Variants in RUNX1 observed in about 807,000 individuals in gnomAD.
RUNX1 encodes the protein runt-related transcription factor 1.
RUNX1 carries 19 observed loss-of-function variants against 42.8 expected under a neutral mutation model. The ratio of observed to expected loss-of-function variants is 0.44; its 90% CI spans 0.31 to 0.65. The LOEUF (loss-of-function observed/expected upper bound fraction) is 0.65. Ranked by LOEUF, RUNX1 falls within the 30% of genes least tolerant of loss-of-function variation. The pLI is 0.07. For missense variants in RUNX1, 528 were observed against 672.0 expected, an observed-to-expected ratio of 0.79 and a Z score of 2.37; for synonymous variants, 271 against 289.4, an observed-to-expected ratio of 0.94 and a Z score of 0.64.
chr21:34,842,715 A>G (rs2057257735), intron 6 of RUNX1, among the ~76,000 whole-genome samples: 1 of 152,082 alleles, frequency 6.6e-6, no homozygotes, highest in Non-Finnish European at 1.5e-5. Flanking sequence ...ATGCACACAC[A>G]TACACACATA....
intron 6 of RUNX1, among the ~76,000 whole-genome samples, chr21:34,850,717 C>T (rs1209160546): frequency 6.6e-6 from 1 of 151,916 alleles, no homozygotes; most frequent in East Asian, 1.9e-4. Flanking sequence ...CCATGCTATA[C>T]TAGAAAAGAA....
Position 34,901,250 on chromosome 21 carries a change from G to A in RUNX1, c.59-8287C>T, listed in dbSNP as rs1013135484. Among the ~76,000 whole-genome samples the A allele has an allele frequency of 6.6e-5, 10 of 152,028 alleles. No homozygotes were observed. The South Asian group carries it at 1.2e-3, about 19-fold the overall frequency. On this transcript the variant is annotated intron_variant, in intron 2 of 8. Coordinates refer to ENST00000675419, the MANE Select transcript of RUNX1 (RefSeq NM_001754.5). This position sits in a 1 kb window ranked among gnomAD's most constrained non-coding sequence, Gnocchi z 4.3. ...TTTCTGGCTGGTCACGGTGGGTCAC[G>A]CCTGTAATCCCAGCACTTTGGGAGG...
At chr21:35,049,072 A>C (rs1045479924) in intron 1 of RUNX1, 96 bp downstream of exon 1, 2 of 647,748 alleles carry the variant, frequency 3.1e-6, no homozygotes, top group Non-Finnish European at 2.8e-6. Context: ...GCCCTATTAA[A>C]AAATGCACCT....
chr21:34,836,838 A>G (rs2057154089), intron 6 of RUNX1, among the ~76,000 whole-genome samples: 1 of 152,188 alleles, frequency 6.6e-6, no homozygotes, highest in Non-Finnish European at 1.5e-5. Context: ...GACGTGGTAG[A>G]GTCTACAGCC....
chr21:34,860,471 G>A (rs746374502), intron 5 of RUNX1, among the ~76,000 whole-genome samples: 5 of 152,158 alleles, frequency 3.3e-5, no homozygotes, highest in South Asian at 4.2e-4. Flanking sequence ...ATGATTTACC[G>A]TGAGTAACCC....
intron 5 of RUNX1, among the ~76,000 whole-genome samples, chr21:34,875,333 T>C (rs2057798918): frequency 6.6e-6 from 1 of 152,196 alleles, no homozygotes; most frequent in Admixed American, 6.5e-5. Context: ...CATCAGATCA[T>C]GGAGGCAAGC....
At chr21:35,030,324 CAGAG>C (rs1355441563) in intron 2 of RUNX1, among the ~76,000 whole-genome samples, 2 of 151,372 alleles carry the variant, frequency 1.3e-5, no homozygotes, top group Non-Finnish European at 2.9e-5. Flanking sequence ...GCCTGAGTGA[CAGAG>C]TGAGACTCTG....
At chr21:34,796,248 G>A (rs1490146265) in intron 8 of RUNX1, among the ~76,000 whole-genome samples, 7 of 152,194 alleles carry the variant, frequency 4.6e-5, no homozygotes, top group Non-Finnish European at 1.0e-4. Flanking sequence ...CATGAGCAAC[G>A]TCATACTACA....
At chr21:34,799,098 C>T (rs1302280280) in intron 8 of RUNX1, among the ~76,000 whole-genome samples, 1 of 152,218 alleles carries the variant, frequency 6.6e-6, no homozygotes, top group African/African-American at 2.4e-5. Context: ...CTTCTCCAAG[C>T]CACTTCTGCC....
intron 7 of RUNX1, among the ~76,000 whole-genome samples, chr21:34,806,069 T>TG (rs200350438): frequency 1.9e-4 from 29 of 151,846 alleles, no homozygotes; most frequent in African/African-American, 6.1e-4. Flanking sequence ...AAAAGAGGTG[T>TG]GGGGGGAAGA....
intron 2 of RUNX1, among the ~76,000 whole-genome samples, chr21:34,914,915 CAT>C (rs1681029764): frequency 6.6e-6 from 1 of 152,198 alleles, no homozygotes; most frequent in Admixed American, 6.5e-5. Flanking sequence ...AAAGCCAGGA[CAT>C]GTGATGATGG....
intron 2 of RUNX1, among the ~76,000 whole-genome samples, chr21:34,939,841 C>T (rs1393915851): frequency 6.6e-6 from 1 of 152,056 alleles, no homozygotes; most frequent in African/African-American, 2.4e-5. Flanking sequence ...ACTTTGTTTC[C>T]AGGTTTTTTT....
intron 7 of RUNX1, chr21:34,834,039 GCGTGTGTGTCTT>G: frequency 2.4e-6 from 1 of 420,734 alleles, no homozygotes; most frequent in Admixed American, 3.1e-5. Flanking sequence ...GTGTGTGTCT[GCGTGTGTGTCTT>G]CAAGCCTAAT....
At chr21:34,983,727 G>T (rs1215724301) in intron 2 of RUNX1, among the ~76,000 whole-genome samples, 2 of 152,162 alleles carry the variant, frequency 1.3e-5, no homozygotes, top group Non-Finnish European at 2.9e-5. Flanking sequence ...TGTTGTGGGG[G>T]GAAAATGGTT....
chr21:35,034,379 C>T (rs2059292733), intron 2 of RUNX1, among the ~76,000 whole-genome samples: 2 of 152,122 alleles, frequency 1.3e-5, no homozygotes, highest in South Asian at 4.1e-4. Flanking sequence ...ACATCTGTAG[C>T]CAGCATTAGT....
chr21:34,946,782 C>T (rs1016213617), intron 2 of RUNX1, among the ~76,000 whole-genome samples: 1 of 152,124 alleles, frequency 6.6e-6, no homozygotes, highest in Admixed American at 6.6e-5. Context: ...TGGGCTGTGA[C>T]ATTTTGGCTT....
At chr21:34,935,829 A>C (rs1021255110) in intron 2 of RUNX1, among the ~76,000 whole-genome samples, 1 of 152,176 alleles carries the variant, frequency 6.6e-6, no homozygotes, top group Non-Finnish European at 1.5e-5. Flanking sequence ...AACCACTGGG[A>C]TACAGCATGT....
chr21:34,855,448 C>T (rs8127581), intron 6 of RUNX1, among the ~76,000 whole-genome samples: 121,602 of 152,132 alleles, frequency 0.8, 49,476 homozygotes, highest in East Asian at 0.96. Flanking sequence ...CTCATGCCTG[C>T]AATCCCAGCA....
At chr21:35,022,081 G>T (rs1480621756) in intron 2 of RUNX1, among the ~76,000 whole-genome samples, 2 of 152,222 alleles carry the variant, frequency 1.3e-5, no homozygotes, top group African/African-American at 4.8e-5. Context: ...GAAGCAGTTT[G>T]CTGGGGATCA....
Sources: allele counts gnomAD v4.1 joint callset (sites outside exome capture counted in the v4.1 genomes callset), GRCh38; gene constraint gnomAD v4.1.1; non-coding constraint Gnocchi (gnomAD v3.1); transcripts MANE v1.5; gene names NCBI Gene and HGNC (gene_info 2026-07-23, HGNC 2026-07-21).